RAB43: variants seen among roughly 807,000 people sequenced by gnomAD.
The protein encoded by RAB43 is ras-related protein Rab-43.
A neutral mutation model predicts 18.8 loss-of-function variants in RAB43; 6 were observed. That is an observed-to-expected ratio of 0.32 (90% CI 0.17 to 0.63). The LOEUF is 0.63. RAB43 is among the 30% of genes least tolerant of loss of function. RAB43 has a pLI of 0.79. For synonymous variants in RAB43, 103 were observed against 124.1 expected (o/e 0.83, Z 1.13); for missense variants, 195 against 289.1 (o/e 0.67, Z 2.36).
At chr3:129,097,675 A>C (rs1934147005) in intron 1 of RAB43, among the ~76,000 whole-genome samples, 1 of 152,186 alleles carries the variant, frequency 6.6e-6, no homozygotes, top group African/African-American at 2.4e-5. Context: ...CCTGAGCAGC[A>C]GCCTAGACAT....
intron 1 of RAB43, among the ~76,000 whole-genome samples, chr3:129,106,008 G>T (rs912713719): frequency 1.3e-5 from 2 of 152,184 alleles, no homozygotes; most frequent in Non-Finnish European, 2.9e-5. Context: ...ACTGTGGGCA[G>T]GTCCCAGTAG....
rs749590360 is a variant in RAB43, at chr3:129,121,337, G to T, written c.153C>A (p.Ile51=). Residue 51 remains isoleucine (I), a synonymous_variant, in exon 1 of 3, where the codon ATC becomes ATA. Transcript: ENST00000315150. Reference sequence around the variant, plus strand: ...GCGTCTTCATGGTGAAGTCGACGCCGATGGTGCTTCCCTGGCGCTCCGAGA... The same window carrying T: ...GCGTCTTCATGGTGAAGTCGACGCCTATGGTGCTTCCCTGGCGCTCCGAGA... ...GAFSERQGST[I]GVDFTMKTLE... is the part of the protein sequence containing the mutation. 14 of 1,610,198 alleles carry T rather than the reference G, an allele frequency of 8.7e-6. No homozygotes were observed. In the African/African-American group the frequency reaches 1.7e-4, roughly 20 times the overall value.
intron 1 of RAB43, among the ~76,000 whole-genome samples, chr3:129,120,634 C>G (rs1224399915): frequency 1.3e-5 from 2 of 152,230 alleles, no homozygotes; most frequent in African/African-American, 4.8e-5. Context: ...TTCTCTCCCC[C>G]ACCTTCCGGT....
chr3:129,099,869 C>T (rs9861780), intron 1 of RAB43, among the ~76,000 whole-genome samples: 8 of 151,974 alleles, frequency 5.3e-5, no homozygotes, highest in African/African-American at 1.9e-4. Context: ...TGAATAAAAT[C>T]GGAAGGATAT....
intron 1 of RAB43, among the ~76,000 whole-genome samples, chr3:129,101,850 C>T (rs1488405382): frequency 2.6e-5 from 4 of 152,178 alleles, no homozygotes; most frequent in African/African-American, 4.8e-5. Flanking sequence ...ATGAGCCAGT[C>T]TCCTCTTTTC....
intron 1 of RAB43, among the ~76,000 whole-genome samples, chr3:129,116,053 A>G (rs887994366): frequency 9.9e-5 from 15 of 152,230 alleles, no homozygotes. Context: ...GCATATTGTT[A>G]TAACTGTTCT....
chr3:129,092,451 A>C, intron 2 of RAB43: 1 of 682,958 alleles, frequency 1.5e-6, no homozygotes, highest in Non-Finnish European at 2.7e-6. Context: ...GGTAATGGGT[A>C]CCTGGGGGCT....
chr3:129,091,748 T>C (rs1230519184), intron 2 of RAB43, among the ~76,000 whole-genome samples: 2 of 151,774 alleles, frequency 1.3e-5, no homozygotes, highest in African/African-American at 4.8e-5. Context: ...ACTTTTGTAA[T>C]GTGGTTATAA....
chr3:129,120,697 G>A (rs1240461912), intron 1 of RAB43, among the ~76,000 whole-genome samples: 5 of 152,202 alleles, frequency 3.3e-5, no homozygotes, highest in Non-Finnish European at 7.3e-5. Flanking sequence ...GGGAACCGGG[G>A]CTGGCCCTAG....
chr3:129,118,746 C>T (rs1031132161), intron 1 of RAB43, among the ~76,000 whole-genome samples: 5 of 152,136 alleles, frequency 3.3e-5, no homozygotes, highest in African/African-American at 4.8e-5. Flanking sequence ...AGGCTCATCT[C>T]GAACTCTTGA....
intron 2 of RAB43, 71 bp from the exon 3 acceptor site, chr3:129,091,417 C>G (rs1285360455): frequency 6.6e-7 from 1 of 1,513,796 alleles, no homozygotes; most frequent in African/African-American, 1.4e-5. Context: ...GGGAGGGTCA[C>G]GCTGACAGCC....
rs1450059085 is a variant in RAB43 at position 129,121,790 on chromosome 3, G to C, written c.-301C>G. 5.3e-6 allele frequency: 1 copy of C among 188,948 alleles called. No individual in the cohort carries two copies. Among genetic ancestry groups the C allele is most frequent in the Non-Finnish European group, 1.0e-5 (1 of 96,416 alleles). The allele number at this position is 188,948 out of a possible 1,614,324, so 11.7% of individuals were successfully genotyped here. A position where few individuals can be genotyped will look rare whatever the true frequency, so the allele number is the denominator to read the frequency against. On this transcript the variant is annotated 5_prime_UTR_variant, in exon 1 of 3. Coordinates refer to ENST00000315150, the MANE Select transcript of RAB43 (RefSeq NM_198490.3). Reference sequence around the variant, plus strand: ...AAAGCTCCGGCCGGTCCTCAGCTCCGTGCCACACCAGTCTGGCCTGTAGGC... The same window carrying C: ...AAAGCTCCGGCCGGTCCTCAGCTCCCTGCCACACCAGTCTGGCCTGTAGGC...
At chr3:129,117,136 C>A (rs149828145) in intron 1 of RAB43, among the ~76,000 whole-genome samples, 1 of 152,166 alleles carries the variant, frequency 6.6e-6, no homozygotes, top group Non-Finnish European at 1.5e-5. Context: ...GGAAGGGAGA[C>A]TTTTCACTAT....
chr3:129,094,680 A>C (rs1192362360), intron 2 of RAB43, among the ~76,000 whole-genome samples: 1 of 150,686 alleles, frequency 6.6e-6, no homozygotes, highest in Non-Finnish European at 1.5e-5. Context: ...ACAACCGGCT[A>C]ATTTTTTTTT....
Position 129,091,034 on chromosome 3 carries a change from G to C in RAB43, c.*62C>G. The C allele has an allele frequency of 6.4e-7, 1 of 1,571,196 alleles. No homozygotes were observed. ...AGGAGGGCTGGCTCTGGAGGGCTGG[G>C]CTTGGCAGGCTGGGGAGAGCAAGGA... On this transcript the variant is annotated 3_prime_UTR_variant, in exon 3 of 3. Transcript: ENST00000315150.
At position 129,103,450 on chromosome 3, in the gene RAB43, T is replaced by G. The variant is rs532619555; in HGVS notation, c.205-8281A>C. On this transcript the variant is annotated intron_variant, in intron 1 of 2. Transcript: ENST00000315150. The stretch of plus-strand genomic sequence containing the variant: ...CCAGGATCTGCCTCTAGCTGCCTGC[T>G]GGCCATTCCTGGAGTACTCCAAGGC... Among the ~76,000 whole-genome samples, 257 of 152,336 alleles carry G rather than the reference T, an allele frequency of 1.7e-3. 2 individuals are homozygous for G. Among genetic ancestry groups the G allele is most frequent in the Middle Eastern group, 3.4e-3 (1 of 294 alleles).
chr3:129,094,987 G>A lies in RAB43; in HGVS notation c.387C>T (p.Ile129=), dbSNP rs754674607. 37 of 1,610,450 alleles carry A rather than the reference G, an allele frequency of 2.3e-5. No individual in the cohort carries two copies. In the Admixed American group the frequency reaches 2.3e-4, roughly 10 times the overall value. Residue 129 remains isoleucine (I), a splice_region_variant and synonymous_variant, in exon 2 of 3, where the codon ATC becomes ATT. Coordinates refer to ENST00000315150, the MANE Select transcript of RAB43 (RefSeq NM_198490.3). ...GGTCCCGAGGAATCCCCAACTCACC[G>A]ATCAGCAGCTGCACAATGTTGGAGC... ...YAGSNIVQLL[I]GNKSDLSELR...
At chr3:129,093,189 C>T (rs1461863667) in intron 2 of RAB43, among the ~76,000 whole-genome samples, 1 of 151,318 alleles carries the variant, frequency 6.6e-6, no homozygotes, top group Non-Finnish European at 1.5e-5. Context: ...TGGGGTTTCA[C>T]CATGTTGCCC....
At chr3:129,109,409 CAA>C (rs750239114) in intron 1 of RAB43, among the ~76,000 whole-genome samples, 14 of 65,566 alleles carry the variant, frequency 2.1e-4, no homozygotes, top group Non-Finnish European at 2.5e-4. Context: ...GACTCCGTCT[CAA>C]AAAAAAAAAA....
Sources: gnomAD v4.1 joint callset for allele counts (sites outside exome capture counted in the v4.1 genomes callset) on GRCh38, gnomAD v4.1.1 for gene constraint, MANE v1.5 for transcripts, NCBI Gene and HGNC (gene_info 2026-07-23, HGNC 2026-07-21) for gene names.